Variants in KCNC2 observed in about 807,000 individuals in gnomAD.
KCNC2 encodes voltage-gated potassium channel KCNC2.
In KCNC2, 21 loss-of-function variants were observed where a neutral mutation model predicts 44.5. The observed-to-expected ratio is 0.47, with a 90% CI of 0.33 to 0.68. KCNC2 has a LOEUF of 0.68. Among genes scored for constraint, KCNC2 ranks in the 30% least tolerant of loss-of-function variants. The pLI, the probability that KCNC2 is intolerant of heterozygous loss-of-function variation, is 0.01. For missense variants in KCNC2, 589 were observed against 826.2 expected (o/e 0.71, Z 3.52); for synonymous variants, 391 against 339.1 (o/e 1.15, Z -1.68).
At chr12:75,160,047 C>G (rs1891017683) in intron 2 of KCNC2, among the ~76,000 whole-genome samples, 1 of 151,838 alleles carries the variant, frequency 6.6e-6, no homozygotes, top group Non-Finnish European at 1.5e-5. Flanking sequence ...GTTGTGCCCT[C>G]ACAAAATCCA....
chr12:75,104,333 C>T (rs998915379), intron 2 of KCNC2, among the ~76,000 whole-genome samples: 1 of 152,156 alleles, frequency 6.6e-6, no homozygotes, highest in African/African-American at 2.4e-5. Context: ...AAGATTTCAT[C>T]ATGTCACTCA....
intron 2 of KCNC2, among the ~76,000 whole-genome samples, chr12:75,068,606 CA>C (rs11320597): frequency 0.03 from 4,551 of 152,038 alleles, 260 homozygotes; most frequent in African/African-American, 0.1. Flanking sequence ...TGTCTACTGA[CA>C]AAAAGATCAT....
At chr12:75,056,176 A>G (rs1881726033) in intron 2 of KCNC2, among the ~76,000 whole-genome samples, 1 of 152,076 alleles carries the variant, frequency 6.6e-6, no homozygotes, top group South Asian at 2.1e-4. Flanking sequence ...TAGTAAAAGA[A>G]TAAATTATAA....
Position 75,042,864 on chromosome 12 carries a change from A to G in KCNC2, c.*241T>C. On this transcript the variant is annotated 3_prime_UTR_variant, in exon 5 of 5. Transcript: ENST00000549446. ...CTGACACTATCTGTCATTTTATTGC[A>G]AAAGGATATCAGGGCAATTAATAGG... The G allele has an allele frequency of 2.3e-6, 3 of 1,307,578 alleles. No individual in the cohort carries two copies. Among genetic ancestry groups the G allele is most frequent in the Non-Finnish European group, 1.9e-6 (2 of 1,029,334 alleles). The allele number at this position is 1,307,578 out of a possible 1,614,324, so 81.0% of individuals were successfully genotyped here.
At chr12:75,060,075 G>A (rs1432144410) in intron 2 of KCNC2, among the ~76,000 whole-genome samples, 1 of 152,070 alleles carries the variant, frequency 6.6e-6, no homozygotes, top group Non-Finnish European at 1.5e-5. Context: ...ACATATTATT[G>A]TTGAAATTTT....
At chr12:75,047,111 A>T (rs566954404) in intron 4 of KCNC2, among the ~76,000 whole-genome samples, 72 of 152,194 alleles carry the variant, frequency 4.7e-4, no homozygotes, top group South Asian at 2.3e-3. Context: ...TCAGTCAATT[A>T]CCATAAGACA....
intron 2 of KCNC2, among the ~76,000 whole-genome samples, chr12:75,133,663 A>T (rs1045067815): frequency 6.6e-6 from 1 of 152,018 alleles, no homozygotes; most frequent in Non-Finnish European, 1.5e-5. Context: ...AAATGGCAAA[A>T]TTTAACTTTC....
chr12:75,185,427 C>A (rs566247576), intron 2 of KCNC2, among the ~76,000 whole-genome samples: 85 of 152,086 alleles, frequency 5.6e-4, no homozygotes, highest in Non-Finnish European at 3.2e-4. Context: ...GGGCGCATGA[C>A]CTGCATGAAT....
At chr12:75,154,789 G>C (rs1303732775) in intron 2 of KCNC2, among the ~76,000 whole-genome samples, 1 of 151,944 alleles carries the variant, frequency 6.6e-6, no homozygotes, top group Non-Finnish European at 1.5e-5. Context: ...ATATGGTACT[G>C]GTGCTATAAA....
chr12:75,109,561 A>G (rs1390573136), intron 2 of KCNC2, among the ~76,000 whole-genome samples: 1 of 152,204 alleles, frequency 6.6e-6, no homozygotes, highest in Non-Finnish European at 1.5e-5. Context: ...GCTGCACCCC[A>G]GAAGATCAGG....
chr12:75,049,715 A>T (rs977476230), intron 3 of KCNC2, among the ~76,000 whole-genome samples: 3 of 152,116 alleles, frequency 2.0e-5, no homozygotes, highest in African/African-American at 2.4e-5. Flanking sequence ...AAAGCAGATC[A>T]TCTATTCCCT....
At chr12:75,092,736 C>T (rs1321549229) in intron 2 of KCNC2, among the ~76,000 whole-genome samples, 1 of 151,536 alleles carries the variant, frequency 6.6e-6, no homozygotes, top group African/African-American at 2.4e-5. Flanking sequence ...CTTCTCTTTT[C>T]CCAACCTCTT....
Position 75,042,759 on chromosome 12 carries a change from A to G in KCNC2, c.*346T>C, listed in dbSNP as rs922649680. ...GTCACAAGAAATAAAGTTCCAATGA[A>G]GTGGTTGGCATTTGGAAGCACACTG... On this transcript the variant is annotated 3_prime_UTR_variant, in exon 5 of 5. Coordinates refer to ENST00000549446, the MANE Select transcript of KCNC2 (RefSeq NM_139137.4). 2.6e-6 allele frequency: 3 copies of G among 1,149,694 alleles called. No homozygotes were observed. Among genetic ancestry groups the G allele is most frequent in the African/African-American group, 3.2e-5 (2 of 62,194 alleles). 71.2% of individuals were successfully genotyped at this position (1,149,694 alleles called of 1,614,324 possible). A position where few individuals can be genotyped will look rare whatever the true frequency, so the allele number is the denominator to read the frequency against.
chr12:75,153,614 T>TATA (rs141663542), intron 2 of KCNC2, among the ~76,000 whole-genome samples: 11 of 151,170 alleles, frequency 7.3e-5, no homozygotes, highest in South Asian at 2.1e-4. Flanking sequence ...CCCCTAAATC[T>TATA]ATAATAATAA....
chr12:75,046,738 C>T (rs952169545), intron 4 of KCNC2, among the ~76,000 whole-genome samples: 3 of 151,750 alleles, frequency 2.0e-5, no homozygotes, highest in Non-Finnish European at 2.9e-5. Context: ...CCAAATAAAT[C>T]TATTGAGAGG....
intron 2 of KCNC2, among the ~76,000 whole-genome samples, chr12:75,137,738 A>G (rs1889336919): frequency 6.6e-6 from 1 of 152,230 alleles, no homozygotes; most frequent in Admixed American, 6.5e-5. Flanking sequence ...TAAAACATAA[A>G]GTCAGCTTAG....
intron 2 of KCNC2, among the ~76,000 whole-genome samples, chr12:75,090,375 T>C (rs551060964): frequency 5.3e-5 from 8 of 151,596 alleles, no homozygotes; most frequent in Non-Finnish European, 8.9e-5. Flanking sequence ...ACACCAGATA[T>C]TTTTTTTCCT....
At chr12:75,149,929 G>A (rs1307640857) in intron 2 of KCNC2, among the ~76,000 whole-genome samples, 1 of 151,794 alleles carries the variant, frequency 6.6e-6, no homozygotes, top group African/African-American at 2.4e-5. Flanking sequence ...CAGAGTCAGT[G>A]CTTTTAACAT....
intron 2 of KCNC2, among the ~76,000 whole-genome samples, chr12:75,157,713 G>A (rs1236729285): frequency 2.0e-5 from 3 of 151,852 alleles, no homozygotes; most frequent in African/African-American, 4.8e-5. Context: ...ATTCCTTAGA[G>A]AAAAGGAATT....
Sources: gnomAD v4.1 joint callset for allele counts (sites outside exome capture counted in the v4.1 genomes callset) on GRCh38, gnomAD v4.1.1 for gene constraint, MANE v1.5 for transcripts, NCBI Gene and HGNC (gene_info 2026-07-23, HGNC 2026-07-21) for gene names.